CNTNAP2: variants seen among roughly 807,000 people sequenced by gnomAD.
CNTNAP2 encodes contactin-associated protein-like 2.
A neutral mutation model predicts 155.2 loss-of-function variants in CNTNAP2; 98 were observed. The ratio of observed to expected loss-of-function variants is 0.63; its 90% CI spans 0.54 to 0.75. The LOEUF is 0.75. Among genes scored for constraint, CNTNAP2 ranks in the 30% least tolerant of loss-of-function variants. The pLI is 0.00. For synonymous variants in CNTNAP2, 651 were observed against 631.2 expected (o/e 1.03, Z -0.47); for missense variants, 1,727 against 1,688.1 (o/e 1.02, Z -0.40).
chr7:147,491,319 A>G (rs989858696), intron 11 of CNTNAP2, among the ~76,000 whole-genome samples: 5 of 150,234 alleles, frequency 3.3e-5, no homozygotes, highest in Non-Finnish European at 7.4e-5. Context: ...CTATACCACG[A>G]CCCCCCACCA....
chr7:146,705,806 C>A (rs1800955063), intron 1 of CNTNAP2, among the ~76,000 whole-genome samples: 1 of 152,062 alleles, frequency 6.6e-6, no homozygotes, highest in South Asian at 2.1e-4. Context: ...TCAATTATCT[C>A]CACCTGGCCT....
intron 3 of CNTNAP2, among the ~76,000 whole-genome samples, chr7:147,011,584 G>A (rs989012848): frequency 6.6e-6 from 1 of 151,986 alleles, no homozygotes; most frequent in African/African-American, 2.4e-5. Context: ...CAAAAGTGAA[G>A]GCCTCAGAAG....
At chr7:147,730,768 G>C (rs1332133503) in intron 13 of CNTNAP2, among the ~76,000 whole-genome samples, 1 of 152,068 alleles carries the variant, frequency 6.6e-6, no homozygotes, top group South Asian at 2.1e-4. Flanking sequence ...CAAAAGCAAA[G>C]ATAGGCCCAA....
intron 10 of CNTNAP2, among the ~76,000 whole-genome samples, chr7:147,440,279 T>C (rs1282148557): frequency 2.0e-5 from 3 of 152,106 alleles, no homozygotes; most frequent in East Asian, 1.9e-4. Context: ...AATACTATCT[T>C]ATAGCCCATT....
chr7:147,218,770 T>G (rs1349877978), intron 8 of CNTNAP2, among the ~76,000 whole-genome samples: 2 of 152,204 alleles, frequency 1.3e-5, no homozygotes, highest in African/African-American at 4.8e-5. Flanking sequence ...AGTTCAACTA[T>G]GTTTTTACTG....
chr7:147,220,301 T>C (rs915157228), intron 8 of CNTNAP2, among the ~76,000 whole-genome samples: 3 of 152,220 alleles, frequency 2.0e-5, no homozygotes, highest in Admixed American at 6.5e-5. Context: ...ACTCTTGCTT[T>C]CTTTTGATTA....
At position 147,660,260 on chromosome 7, in the gene CNTNAP2, C is replaced by A. The variant is rs1354591663; in HGVS notation, c.2098+20954C>A. On this transcript the variant is annotated intron_variant, in intron 13 of 23. Coordinates refer to ENST00000361727, the MANE Select transcript of CNTNAP2 (RefSeq NM_014141.6). ...GTATTCCTTTGTACCCTTTTCCTTTCAATGTAGAACCTTCTCTTCCTGCTG... is the reference window on the plus strand; with the variant it reads ...GTATTCCTTTGTACCCTTTTCCTTTAAATGTAGAACCTTCTCTTCCTGCTG... Among the ~76,000 whole-genome samples, 12 of 152,216 alleles carry A rather than the reference C, an allele frequency of 7.9e-5. 1 individual carries two copies. The highest frequency in any genetic ancestry group is 7.9e-4 in the Admixed American group (12 of 15,286).
chr7:147,180,763 T>C (rs6961500), intron 8 of CNTNAP2, among the ~76,000 whole-genome samples: 58,314 of 152,000 alleles, frequency 0.38, 12,260 homozygotes, highest in East Asian at 0.62. Flanking sequence ...AGCATACTTG[T>C]ACGCTGTACT....
chr7:146,712,592 C>A (rs1360299627), intron 1 of CNTNAP2, among the ~76,000 whole-genome samples: 2 of 150,804 alleles, frequency 1.3e-5, no homozygotes, highest in Non-Finnish European at 3.0e-5. Context: ...AGTCTCTTCA[C>A]ATATATGCCT....
intron 21 of CNTNAP2, among the ~76,000 whole-genome samples, chr7:148,276,087 C>T (rs1003833852): frequency 2.0e-5 from 3 of 152,266 alleles, no homozygotes; most frequent in Non-Finnish European, 2.9e-5. Flanking sequence ...GGCCACATGT[C>T]CTGCTTTGCC....
At chr7:146,994,785 A>G (rs1001725934) in intron 3 of CNTNAP2, among the ~76,000 whole-genome samples, 9 of 152,146 alleles carry the variant, frequency 5.9e-5, no homozygotes, top group Non-Finnish European at 1.2e-4. Flanking sequence ...AATCTTAAAT[A>G]TAACTTTTCT....
chr7:147,267,368 T>C (rs2116697417), intron 8 of CNTNAP2, among the ~76,000 whole-genome samples: 2 of 152,320 alleles, frequency 1.3e-5, no homozygotes, highest in Middle Eastern at 6.8e-3. Flanking sequence ...AGTGGTTGAA[T>C]GGCAATGAGT....
At chr7:147,501,520 T>G (rs1190908154) in intron 11 of CNTNAP2, among the ~76,000 whole-genome samples, 1 of 152,202 alleles carries the variant, frequency 6.6e-6, no homozygotes, top group Non-Finnish European at 1.5e-5. Flanking sequence ...TTTTTCAATT[T>G]TATAGTGGTG....
At chr7:147,544,453 G>A (rs1283490946) in intron 11 of CNTNAP2, among the ~76,000 whole-genome samples, 1 of 152,092 alleles carries the variant, frequency 6.6e-6, no homozygotes, top group Non-Finnish European at 1.5e-5. Flanking sequence ...GTGGGGATGA[G>A]TTAAAAGGGT....
At chr7:148,127,353 G>T (rs1033827234) in intron 16 of CNTNAP2, among the ~76,000 whole-genome samples, 2 of 152,118 alleles carry the variant, frequency 1.3e-5, no homozygotes, top group Admixed American at 1.3e-4. Flanking sequence ...GGGAAATTTT[G>T]AAGGAAAAGC....
intron 1 of CNTNAP2, among the ~76,000 whole-genome samples, chr7:146,155,891 A>G (rs1477444411): frequency 6.6e-6 from 1 of 151,578 alleles, no homozygotes; most frequent in Non-Finnish European, 1.5e-5. Context: ...TTTAGTTAAG[A>G]TGGGGTTTCA....
At chr7:148,228,442 T>A (rs917744820) in intron 19 of CNTNAP2, among the ~76,000 whole-genome samples, 6 of 152,158 alleles carry the variant, frequency 3.9e-5, no homozygotes, top group African/African-American at 9.7e-5. Context: ...AAAGCCATCT[T>A]TCCTGTTGAT....
rs534581224 is a variant in CNTNAP2 at position 147,167,073 on chromosome 7, G to A, written c.1348+34564G>A. Among the ~76,000 whole-genome samples the A allele has an allele frequency of 5.9e-5, 9 of 151,946 alleles. No individual in the cohort carries two copies. In the South Asian group the frequency reaches 8.3e-4, roughly 14 times the overall value. ...CCTCTGAACAACCCTGACAAAAATCGGATGGAAACTGACATTTTCCTTTCT... is the reference window on the plus strand; with the variant it reads ...CCTCTGAACAACCCTGACAAAAATCAGATGGAAACTGACATTTTCCTTTCT... On this transcript the variant is annotated intron_variant, in intron 8 of 23. Transcript: ENST00000361727.
At chr7:146,578,565 G>T (rs936311634) in intron 1 of CNTNAP2, among the ~76,000 whole-genome samples, 1 of 152,130 alleles carries the variant, frequency 6.6e-6, no homozygotes, top group Non-Finnish European at 1.5e-5. Flanking sequence ...AGTACATTCA[G>T]AGTACTTAAA....
Sources: gnomAD v4.1 joint callset for allele counts (sites outside exome capture counted in the v4.1 genomes callset) on GRCh38, gnomAD v4.1.1 for gene constraint, MANE v1.5 for transcripts, NCBI Gene and HGNC (gene_info 2026-07-23, HGNC 2026-07-21) for gene names.